FRYL: variants seen among roughly 807,000 people sequenced by gnomAD.
FRYL encodes the protein FRY like transcription coactivator.
FRYL carries 150 observed loss-of-function variants against 351.2 expected under a neutral mutation model. The observed-to-expected ratio is 0.43, with a 90% CI of 0.37 to 0.49. The LOEUF (loss-of-function observed/expected upper bound fraction) is 0.49. Among genes scored for constraint, FRYL ranks in the 20% least tolerant of loss-of-function variants. The pLI, the probability that FRYL is intolerant of heterozygous loss-of-function variation, is 0.00. For missense variants in FRYL, 3,036 were observed against 3,619.3 expected (o/e 0.84, Z 4.13); for synonymous variants, 1,153 against 1,257.1 (o/e 0.92, Z 1.75).
chr4:48,546,509 C>T (rs370689387), intron 41 of FRYL: 1 of 452,296 alleles, frequency 2.2e-6, no homozygotes, highest in Non-Finnish European at 3.9e-6. Context: ...ACTATGCAGT[C>T]CTCTGCCGCC....
Position 48,562,929 on chromosome 4 carries a change from G to A in FRYL, c.3656C>T (p.Ser1219Phe). 1 of 1,608,946 alleles carries A rather than the reference G, an allele frequency of 6.2e-7. No individual in the cohort carries two copies. Among genetic ancestry groups the A allele is most frequent in the South Asian group, 1.1e-5 (1 of 90,682 alleles). Residue 1219 changes from serine (S) to phenylalanine (F), a missense_variant, in exon 32 of 64, where the codon TCT becomes TTT. Transcript: ENST00000358350. The part of the protein sequence containing the change: ...LNLILFKAAD[S>F]SRSIYEVAMQ... ...AGCAACTTCATAGATACTTCTAGAA[G>A]AATCAGCTGCTTTAAACAGTATCAG...
chr4:48,775,318 G>C (rs1004869425), intron 1 of FRYL, among the ~76,000 whole-genome samples: 1 of 152,214 alleles, frequency 6.6e-6, no homozygotes, highest in African/African-American at 2.4e-5. Flanking sequence ...TCTATTTAAG[G>C]TTCCTGCTCA....
At chr4:48,670,021 A>G (rs1303370883) in intron 3 of FRYL, among the ~76,000 whole-genome samples, 1 of 152,190 alleles carries the variant, frequency 6.6e-6, no homozygotes. Context: ...TGTTCATACA[A>G]GCATGCAATG....
intron 1 of FRYL, among the ~76,000 whole-genome samples, chr4:48,747,735 A>G (rs1171468370): frequency 6.6e-6 from 1 of 152,252 alleles, no homozygotes; most frequent in Non-Finnish European, 1.5e-5. Flanking sequence ...GGTTGCCATT[A>G]AAACAAAACG....
At chr4:48,590,225 G>C (rs1280017695) in intron 17 of FRYL, among the ~76,000 whole-genome samples, 1 of 152,198 alleles carries the variant, frequency 6.6e-6, no homozygotes, top group African/African-American at 2.4e-5. Context: ...GCTCACGTCT[G>C]TAATCCCAGC....
At chr4:48,667,734 G>A (rs1761980222) in intron 3 of FRYL, among the ~76,000 whole-genome samples, 1 of 151,858 alleles carries the variant, frequency 6.6e-6, no homozygotes, top group Non-Finnish European at 1.5e-5. Flanking sequence ...TGTAACCTCC[G>A]CCTCCCAGGT....
chr4:48,737,894 T>C (rs1224478570), intron 1 of FRYL, among the ~76,000 whole-genome samples: 2 of 152,156 alleles, frequency 1.3e-5, no homozygotes, highest in African/African-American at 4.8e-5. Flanking sequence ...AGAATAAGCA[T>C]CTGACAAAAT....
chr4:48,672,237 G>A (rs1363172449), intron 3 of FRYL, among the ~76,000 whole-genome samples: 1 of 152,168 alleles, frequency 6.6e-6, no homozygotes, highest in African/African-American at 2.4e-5. Flanking sequence ...CCGGTTCAAG[G>A]CAAGTCACTG....
chr4:48,599,481 T>C (rs1194566893), intron 13 of FRYL, among the ~76,000 whole-genome samples: 3 of 152,186 alleles, frequency 2.0e-5, no homozygotes, highest in Non-Finnish European at 4.4e-5. Flanking sequence ...AACTGTGCAA[T>C]ATCATAAAGT....
intron 3 of FRYL, among the ~76,000 whole-genome samples, chr4:48,671,862 A>AC (rs1560832375): frequency 6.1e-4 from 71 of 117,338 alleles, no homozygotes; most frequent in South Asian, 9.7e-4. Flanking sequence ...CAAAAACAAA[A>AC]AAAAAAAAAA....
chr4:48,628,020 C>T (rs1486703601), intron 4 of FRYL, among the ~76,000 whole-genome samples: 1 of 152,214 alleles, frequency 6.6e-6, no homozygotes, highest in Non-Finnish European at 1.5e-5. Flanking sequence ...ATCCATGCGC[C>T]TCAGCCTCCC....
chr4:48,671,936 T>A (rs1762833762), intron 3 of FRYL, among the ~76,000 whole-genome samples: 1 of 145,584 alleles, frequency 6.9e-6, no homozygotes, highest in South Asian at 2.2e-4. Context: ...CCCCATTAAC[T>A]GTCCTATAAG....
At chr4:48,745,343 G>C (rs1772548723) in intron 1 of FRYL, among the ~76,000 whole-genome samples, 1 of 152,088 alleles carries the variant, frequency 6.6e-6, no homozygotes, top group South Asian at 2.1e-4. Context: ...GCAAAGACGT[G>C]GAACCAACCC....
chr4:48,699,651 AAT>A (rs1766532089), intron 2 of FRYL, among the ~76,000 whole-genome samples: 1 of 152,182 alleles, frequency 6.6e-6, no homozygotes, highest in Admixed American at 6.5e-5. Flanking sequence ...TTACAGGGAA[AAT>A]GTGACAAAGT....
At chr4:48,676,730 T>C (rs1165859630) in intron 3 of FRYL, among the ~76,000 whole-genome samples, 2 of 152,166 alleles carry the variant, frequency 1.3e-5, no homozygotes, top group East Asian at 1.9e-4. Flanking sequence ...AAACTGAAGG[T>C]ATCCAAGGGC....
At chr4:48,544,096 A>ACT (rs569143118) in intron 43 of FRYL, 99 bp from the exon 44 acceptor site, 486 of 949,834 alleles carry the variant, frequency 5.1e-4, no homozygotes, top group Non-Finnish European at 7.3e-4. Context: ...CAGCTAGCAC[A>ACT]CTTCCTGGCT....
At chr4:48,555,538 C>G (rs1287938844) in intron 35 of FRYL, among the ~76,000 whole-genome samples, 1 of 152,096 alleles carries the variant, frequency 6.6e-6, no homozygotes, top group Non-Finnish European at 1.5e-5. Context: ...GAAGGAGGAC[C>G]TGAAAGAGGT....
At chr4:48,552,212 A>ATG (rs1433935809) in intron 36 of FRYL, among the ~76,000 whole-genome samples, 4 of 151,034 alleles carry the variant, frequency 2.6e-5, no homozygotes, top group African/African-American at 7.3e-5. Flanking sequence ...GCCTGTGTAT[A>ATG]TGTGTGTGTA....
In FRYL at chr4:48,605,721, A is replaced by G; in HGVS notation, c.834+20T>C. ...TCTTGTATAACACACAAATGGTATG[A>G]AAATAAGAAAAATACTTACAGCAGC... On this transcript the variant is annotated intron_variant, in intron 11 of 63. Transcript: ENST00000358350. The G allele has an allele frequency of 1.4e-6, 2 of 1,479,626 alleles. No homozygotes were observed. The highest frequency in any genetic ancestry group is 2.3e-5 in the East Asian group (1 of 44,202). The allele number at this position is 1,479,626 out of a possible 1,614,324, so 91.7% of individuals were successfully genotyped here.
Sources: gnomAD v4.1 joint callset for allele counts (sites outside exome capture counted in the v4.1 genomes callset) on GRCh38, gnomAD v4.1.1 for gene constraint, MANE v1.5 for transcripts, NCBI Gene and HGNC (gene_info 2026-07-23, HGNC 2026-07-21) for gene names.